CSMD1: variants seen among roughly 807,000 people sequenced by gnomAD.
CSMD1 encodes CUB and sushi domain-containing protein 1.
In CSMD1, 213 loss-of-function variants were observed where a neutral mutation model predicts 417.5. The ratio of observed to expected loss-of-function variants is 0.51; its 90% CI spans 0.46 to 0.57. The LOEUF is 0.57. CSMD1 is among the 20% of genes least tolerant of loss of function. The probability of loss-of-function intolerance (pLI) is 0.00; values close to 1 mark genes in which losing one functional copy is unlikely to be tolerated. For synonymous variants in CSMD1, 2,862 were observed against 1,736.8 expected, an observed-to-expected ratio of 1.65 and a Z score of -16.11; for missense variants, 6,923 against 4,529.7, an observed-to-expected ratio of 1.53 and a Z score of -15.17.
intron 7 of CSMD1, among the ~76,000 whole-genome samples, chr8:3,666,544 A>G (rs1298871421): frequency 6.6e-6 from 1 of 152,098 alleles, no homozygotes; most frequent in South Asian, 2.1e-4. Context: ...AAGCTGCCTG[A>G]TATGGTTTGG....
At chr8:3,252,432 A>C (rs1015066512) in intron 26 of CSMD1, among the ~76,000 whole-genome samples, 2 of 152,168 alleles carry the variant, frequency 1.3e-5, no homozygotes, top group Non-Finnish European at 2.9e-5. Flanking sequence ...ATGGTGGATA[A>C]GCTTTTTGAT....
chr8:3,752,037 C>T (rs543885056), intron 6 of CSMD1, among the ~76,000 whole-genome samples: 7 of 152,262 alleles, frequency 4.6e-5, no homozygotes, highest in African/African-American at 7.2e-5. Flanking sequence ...CAGAATTTCT[C>T]TACCAGACCA....
intron 10 of CSMD1, among the ~76,000 whole-genome samples, chr8:3,529,574 T>C (rs1797892284): frequency 6.6e-6 from 1 of 152,114 alleles, no homozygotes; most frequent in Non-Finnish European, 1.5e-5. Flanking sequence ...AATGGAAGAG[T>C]AGAATCACAG....
intron 7 of CSMD1, among the ~76,000 whole-genome samples, chr8:3,654,324 C>A (rs1797998857): frequency 6.6e-6 from 1 of 152,172 alleles, no homozygotes; most frequent in East Asian, 1.9e-4. Flanking sequence ...TGTAATAATT[C>A]ATACTAGAGT....
chr8:4,021,835 A>C (rs1479863325), intron 4 of CSMD1, among the ~76,000 whole-genome samples: 2 of 152,156 alleles, frequency 1.3e-5, no homozygotes, highest in East Asian at 1.9e-4. Context: ...CCGGGGCTCT[A>C]GTTGGCTCAG....
At chr8:4,547,019 A>T (rs1157834102) in intron 2 of CSMD1, among the ~76,000 whole-genome samples, 1 of 152,132 alleles carries the variant, frequency 6.6e-6, no homozygotes, top group Non-Finnish European at 1.5e-5. Context: ...ATTCATACCC[A>T]GACATCTTCT....
At chr8:3,021,129 T>A (rs1809338670) in intron 51 of CSMD1, among the ~76,000 whole-genome samples, 1 of 152,216 alleles carries the variant, frequency 6.6e-6, no homozygotes, top group Non-Finnish European at 1.5e-5. Flanking sequence ...TCAGCGCACC[T>A]TCGCCTTCAA....
At chr8:3,680,539 T>G (rs1316943185) in intron 7 of CSMD1, among the ~76,000 whole-genome samples, 1 of 152,150 alleles carries the variant, frequency 6.6e-6, no homozygotes, top group African/African-American at 2.4e-5. Context: ...ATTGAGGTAA[T>G]AATTAATAGC....
intron 1 of CSMD1, among the ~76,000 whole-genome samples, chr8:4,796,221 CA>C (rs1797972664): frequency 6.6e-6 from 1 of 151,728 alleles, no homozygotes; most frequent in South Asian, 2.1e-4. Flanking sequence ...CTAGTTGCTC[CA>C]AAAGCCTGCA....
intron 3 of CSMD1, among the ~76,000 whole-genome samples, chr8:4,228,121 G>A (rs181747942): frequency 6.6e-6 from 1 of 151,894 alleles, no homozygotes; most frequent in African/African-American, 2.4e-5. Flanking sequence ...CCCCGTAACA[G>A]GAGACATACC....
chr8:4,471,942 G>T (rs933871630), intron 2 of CSMD1, among the ~76,000 whole-genome samples: 1 of 152,080 alleles, frequency 6.6e-6, no homozygotes, highest in African/African-American at 2.4e-5. Flanking sequence ...TTTATAGAGG[G>T]TGCAAAACAG....
chr8:3,719,643 G>A lies in CSMD1; in HGVS notation c.932-11152C>T, dbSNP rs373819110. On this transcript the variant is annotated intron_variant, in intron 6 of 69. Coordinates refer to ENST00000635120, the MANE Select transcript of CSMD1 (RefSeq NM_033225.6). ...ATGCACAGAGGAAAGTGCACTCTGG[G>A]TAGGGCGGTCAGATGAGCTTGGGGA... 3.9e-5 allele frequency among the ~76,000 whole-genome samples: 6 copies of A among 152,264 alleles called. No homozygotes were observed. The East Asian group carries it at 9.7e-4, about 25-fold the overall frequency.
chr8:4,439,662 G>A (rs1473859149), intron 2 of CSMD1, among the ~76,000 whole-genome samples: 1 of 152,130 alleles, frequency 6.6e-6, no homozygotes, highest in Non-Finnish European at 1.5e-5. Context: ...TGGTAGGAGT[G>A]CGTACTATGA....
chr8:4,927,917 T>C (rs1266744604), intron 1 of CSMD1, among the ~76,000 whole-genome samples: 3 of 152,186 alleles, frequency 2.0e-5, no homozygotes, highest in East Asian at 1.9e-4. Flanking sequence ...CTCTAACAGA[T>C]GAAAATCATT....
chr8:4,987,746 A>C (rs1460873412), intron 1 of CSMD1, among the ~76,000 whole-genome samples: 1 of 152,162 alleles, frequency 6.6e-6, no homozygotes, highest in East Asian at 1.9e-4. Context: ...CCCTCCCTCA[A>C]TGTGGGTGGG....
At chr8:4,078,248 C>T (rs1799935893) in intron 3 of CSMD1, among the ~76,000 whole-genome samples, 1 of 151,306 alleles carries the variant, frequency 6.6e-6, no homozygotes, top group East Asian at 1.9e-4. Flanking sequence ...AAACGTATTA[C>T]GTAATTGCAC....
At chr8:4,844,304 A>G (rs1801010009) in intron 1 of CSMD1, among the ~76,000 whole-genome samples, 1 of 152,180 alleles carries the variant, frequency 6.6e-6, no homozygotes, top group Non-Finnish European at 1.5e-5. Flanking sequence ...CTCCAGCATC[A>G]GTAGATAGTG....
intron 3 of CSMD1, among the ~76,000 whole-genome samples, chr8:4,391,239 G>C (rs1034559624): frequency 1.3e-5 from 2 of 152,138 alleles, no homozygotes; most frequent in African/African-American, 4.8e-5. Flanking sequence ...TGCAAAGACA[G>C]CCACCATAAC....
chr8:3,679,007 C>T (rs556384860), intron 7 of CSMD1, among the ~76,000 whole-genome samples: 2 of 152,256 alleles, frequency 1.3e-5, no homozygotes, highest in South Asian at 4.2e-4. Flanking sequence ...CACCACCAGA[C>T]CTCCCCTAAA....
Sources: allele counts gnomAD v4.1 joint callset (sites outside exome capture counted in the v4.1 genomes callset), GRCh38; gene constraint gnomAD v4.1.1; transcripts MANE v1.5; gene names NCBI Gene and HGNC (gene_info 2026-07-23, HGNC 2026-07-21).